The following NEDD9 variants were observed in gnomAD, a reference collection of about 807,000 sequenced individuals.
NEDD9 encodes the protein neural precursor cell expressed, developmentally down-regulated 9, also known as enhancer of filamentation 1.
Under a neutral mutation model 76.6 loss-of-function variants are expected in NEDD9, and 26 were observed. That is an observed-to-expected ratio of 0.34 (90% CI 0.25 to 0.47). The LOEUF is 0.47. Ranked by LOEUF, NEDD9 falls within the 20% of genes least tolerant of loss-of-function variation. The pLI is 1.00. For synonymous variants in NEDD9, 392 were observed against 414.2 expected (o/e 0.95, Z 0.65); for missense variants, 937 against 1,058.5 (o/e 0.89, Z 1.59).
chr6:11,238,152 T>C (rs979792133), intron 3 of NEDD9, among the ~76,000 whole-genome samples: 2 of 152,152 alleles, frequency 1.3e-5, no homozygotes, highest in Admixed American at 1.3e-4. Context: ...CTGTGCCAGA[T>C]GTTTACAAGC....
intron 1 of NEDD9, among the ~76,000 whole-genome samples, chr6:11,361,089 T>C (rs1350682362): frequency 6.6e-6 from 1 of 152,192 alleles, no homozygotes; most frequent in Admixed American, 6.5e-5. Context: ...AGTGAAATAG[T>C]GGAGGAATGG....
chr6:11,358,953 A>G (rs901271646), intron 1 of NEDD9, among the ~76,000 whole-genome samples: 1 of 152,216 alleles, frequency 6.6e-6, no homozygotes, highest in African/African-American at 2.4e-5. Context: ...GGAGAGGCAA[A>G]CTGTGCAATT....
intron 1 of NEDD9, among the ~76,000 whole-genome samples, chr6:11,378,739 G>C (rs1763009840): frequency 6.6e-6 from 1 of 152,152 alleles, no homozygotes; most frequent in South Asian, 2.1e-4. Flanking sequence ...GGGTTTTGTA[G>C]CTGTTCAAAA....
rs181083758 is a variant in NEDD9, at chr6:11,310,700, A to G, written c.-152-4545T>C. 2.0e-5 allele frequency among the ~76,000 whole-genome samples: 3 copies of G among 152,338 alleles called. No homozygotes were observed. In the East Asian group the frequency reaches 5.8e-4, roughly 29 times the overall value. On this transcript the variant is annotated intron_variant, in intron 2 of 3. Coordinates refer to the NEDD9 transcript ENST00000397378. ...GAAACAGCAGGCTGTTGCAGTTTAT[A>G]CACAGCGGATGTTTCAAACTTTCCC... is the stretch of plus-strand genomic sequence containing the variant.
At position 11,370,717 on chromosome 6, in the gene NEDD9, A is replaced by G. The variant is rs1404450173; in HGVS notation, c.-214+11422T>C. On this transcript the variant is annotated intron_variant, in intron 1 of 3. Transcript: ENST00000397378. This position sits in a 1 kb window ranked among gnomAD's most constrained non-coding sequence, Gnocchi z 4.2. ...CACTGGCTCACTCACTCGTTCCTTC[A>G]GCAGATGTCCCTCCAGCACCTCCCA... Among the ~76,000 whole-genome samples, 2 of 152,168 alleles carry G rather than the reference A, an allele frequency of 1.3e-5. No homozygotes were observed. Among genetic ancestry groups the G allele is most frequent in the African/African-American group, 4.8e-5 (2 of 41,442 alleles).
chr6:11,245,863 A>G (rs867819132), intron 3 of NEDD9, among the ~76,000 whole-genome samples: 22 of 152,172 alleles, frequency 1.4e-4, no homozygotes, highest in Non-Finnish European at 1.0e-4. Context: ...GAGCTTGCTG[A>G]TATTTTGTCA....
At chr6:11,291,041 T>C (rs1483051051) in intron 3 of NEDD9, among the ~76,000 whole-genome samples, 3 of 151,994 alleles carry the variant, frequency 2.0e-5, no homozygotes, top group Non-Finnish European at 4.4e-5. Flanking sequence ...GGCCCCGAGA[T>C]ACTGGAGCCC....
upstream of NEDD9, among the ~76,000 whole-genome samples, chr6:11,235,932 G>A (rs1759590683): frequency 6.6e-6 from 1 of 152,140 alleles, no homozygotes; most frequent in Non-Finnish European, 1.5e-5. The surrounding 1 kb of genome is among the most constrained non-coding windows in gnomAD (Gnocchi z 4.1). Context: ...GGAGTAATCT[G>A]TTTCTCTCCG....
intron 1 of NEDD9, among the ~76,000 whole-genome samples, chr6:11,371,024 G>T (rs1762864687): frequency 6.6e-6 from 1 of 152,092 alleles, no homozygotes; most frequent in South Asian, 2.1e-4. Context: ...CCAGGCAGAG[G>T]GACTGTCAGT....
chr6:11,290,084 T>C (rs977625688), intron 3 of NEDD9, among the ~76,000 whole-genome samples: 3 of 152,190 alleles, frequency 2.0e-5, no homozygotes, highest in African/African-American at 7.2e-5. Context: ...AGGAGTTCTT[T>C]CCACTCGTAT....
At chr6:11,191,315 G>A (rs1034409366) in intron 4 of NEDD9, 110 bp from the exon 5 acceptor site, 20 of 1,132,918 alleles carry the variant, frequency 1.8e-5, no homozygotes, top group South Asian at 6.5e-5. Flanking sequence ...GCCCTCCCCC[G>A]CCCCAATGTT....
chr6:11,364,181 A>G (rs767395225), intron 1 of NEDD9, among the ~76,000 whole-genome samples: 1 of 152,148 alleles, frequency 6.6e-6, no homozygotes, highest in Non-Finnish European at 1.5e-5. Context: ...CCAAATCAAA[A>G]CTCTGGCACT....
At chr6:11,204,024 A>G (rs1303450935) in intron 2 of NEDD9, among the ~76,000 whole-genome samples, 4 of 152,222 alleles carry the variant, frequency 2.6e-5, no homozygotes, top group Non-Finnish European at 5.9e-5. Context: ...AAACTGTTAA[A>G]GTGATTCTGA....
chr6:11,190,252 G>C lies in NEDD9; in HGVS notation c.1617C>G (p.Pro539=). 6.2e-7 allele frequency: 1 copy of C among 1,614,210 alleles called. No individual in the cohort carries two copies. The highest frequency in any genetic ancestry group is 8.5e-7 in the Non-Finnish European group (1 of 1,180,042). The change falls in exon 5 of 7, where the codon CCC becomes CCG. Residue 539 remains proline (P), a synonymous_variant. Transcript: ENST00000379446. This position sits in a 1 kb window ranked among gnomAD's most constrained non-coding sequence, Gnocchi z 5.8. The part of the protein sequence containing the change: ...DRFVMVAKTV[P]DDAKQLTTTI... ...TTGTGGTGAGCTGCTTGGCGTCATCGGGCACCGTCTTTGCCACCATCACAA... is the reference window on the plus strand; with the variant it reads ...TTGTGGTGAGCTGCTTGGCGTCATCCGGCACCGTCTTTGCCACCATCACAA...
chr6:11,235,174 A>T (rs1267640815), upstream of NEDD9, among the ~76,000 whole-genome samples: 1 of 152,134 alleles, frequency 6.6e-6, no homozygotes, highest in African/African-American at 2.4e-5. This position sits in a 1 kb window ranked among gnomAD's most constrained non-coding sequence, Gnocchi z 4.1. Context: ...TACTGTTGTT[A>T]TTAGTTATTA....
upstream of NEDD9, among the ~76,000 whole-genome samples, chr6:11,234,712 A>AT (rs140513398): frequency 0.015 from 2,048 of 136,948 alleles, 46 homozygotes; most frequent in African/African-American, 0.043. Context: ...AACATTTTTA[A>AT]TTTTTTTTTT....
upstream of NEDD9, among the ~76,000 whole-genome samples, chr6:11,235,185 T>G (rs111338285): frequency 1.1e-3 from 173 of 152,308 alleles, 1 homozygote; most frequent in African/African-American, 4.1e-3. This position sits in a 1 kb window ranked among gnomAD's most constrained non-coding sequence, Gnocchi z 4.1. Context: ...TTAGTTATTA[T>G]TTTAATTAAT....
In NEDD9 at chr6:11,184,927, A is replaced by G; in HGVS notation, c.*235T>C. The G allele has an allele frequency of 2.3e-6, 1 of 427,292 alleles. No individual in the cohort carries two copies. The highest frequency in any genetic ancestry group is 4.1e-6 in the Non-Finnish European group (1 of 246,752). 26.5% of individuals were successfully genotyped at this position (427,292 alleles called of 1,614,324 possible). On this transcript the variant is annotated 3_prime_UTR_variant, in exon 7 of 7. Coordinates refer to ENST00000379446, the MANE Select transcript of NEDD9 (RefSeq NM_006403.4). ...AAAAGCACGTGGACAAGTTTTCTGT[A>G]CAGTTTATGTCTCAGATACTTCTAT...
intron 3 of NEDD9, among the ~76,000 whole-genome samples, chr6:11,298,176 G>C (rs772025183): frequency 1.3e-5 from 2 of 152,102 alleles, no homozygotes; most frequent in Non-Finnish European, 2.9e-5. Flanking sequence ...CCAAAGTGCT[G>C]GGATTACAGG....
Sources: gnomAD v4.1 joint callset for allele counts (sites outside exome capture counted in the v4.1 genomes callset) on GRCh38, gnomAD v4.1.1 for gene constraint, Gnocchi (gnomAD v3.1) non-coding constraint, MANE v1.5 for transcripts, NCBI Gene and HGNC (gene_info 2026-07-23, HGNC 2026-07-21) for gene names.